Variants in BLACAT1 observed in about 807,000 individuals in gnomAD.
The protein encoded by BLACAT1 is BLACAT1 overlapping LEMD1 locus.
At chr1:205,449,268 G>A (rs1345061168) in intron 1 of BLACAT1, among the ~76,000 whole-genome samples, 5 of 152,176 alleles carry the variant, frequency 3.3e-5, no homozygotes, top group Non-Finnish European at 7.4e-5. Flanking sequence ...AATCACAAGT[G>A]CTATTTCCCC....
At chr1:205,440,942 G>C (rs61824985) in exon 2 of BLACAT1, 1 of 152,386 alleles carries the variant, frequency 6.6e-6, no homozygotes, top group African/African-American at 2.4e-5. Context: ...GCCGTCTCCC[G>C]CTCTCTGTGA....
intron 1 of BLACAT1, among the ~76,000 whole-genome samples, chr1:205,453,418 C>CT (rs1666521788): frequency 6.6e-6 from 1 of 152,174 alleles, no homozygotes; most frequent in African/African-American, 2.4e-5. Flanking sequence ...CATTTAACAG[C>CT]TTGGGAGCCC....
chr1:205,445,034 AC>A (rs1357565188), intron 1 of BLACAT1, among the ~76,000 whole-genome samples: 1 of 151,844 alleles, frequency 6.6e-6, no homozygotes, highest in Non-Finnish European at 1.5e-5. Context: ...ATATGAATTC[AC>A]CTTCCCTCCC....
rs767507687 is a variant in BLACAT1 at position 205,448,438 on chromosome 1, G to A, written c.-36-7376C>T. ...CAGGAATCTCATAGGGAAGCGAGAA[G>A]CTGGGGCACCCGAGAAGCCCTCACT... On this transcript the variant is annotated intron_variant, in intron 1 of 1. Coordinates refer to ENST00000629624, the Ensembl canonical transcript of BLACAT1. The surrounding 1 kb of genome is among the most constrained non-coding windows in gnomAD (Gnocchi z 4.7). 1.9e-6 allele frequency: 1 copy of A among 531,738 alleles called. No homozygotes were observed. Among genetic ancestry groups the A allele is most frequent in the South Asian group, 1.4e-5 (1 of 71,368 alleles). The allele number at this position is 531,738 out of a possible 1,614,324, so 32.9% of individuals were successfully genotyped here.
In BLACAT1 at chr1:205,448,782, T is replaced by A. The variant is rs1356888383; in HGVS notation, c.-37+7135A>T. Among the ~76,000 whole-genome samples, 1 of 152,102 alleles carries A rather than the reference T, an allele frequency of 6.6e-6. No homozygotes were observed. The highest frequency in any genetic ancestry group is 2.4e-5 in the African/African-American group (1 of 41,436). On this transcript the variant is annotated intron_variant, in intron 1 of 1. Coordinates refer to ENST00000629624, the Ensembl canonical transcript of BLACAT1. The surrounding 1 kb of genome is among the most constrained non-coding windows in gnomAD (Gnocchi z 4.7). ...AGGCTGCTGCTGCCAGTACCCAGGA[T>A]GGGGGGCCCCAGGTTAGGCTCCCTC...
downstream of BLACAT1, among the ~76,000 whole-genome samples, chr1:205,439,406 AC>A (rs1205456539): frequency 6.6e-6 from 1 of 152,186 alleles, no homozygotes; most frequent in African/African-American, 2.4e-5. Context: ...CATAAAGACA[AC>A]CTGAATCCCA....
intron 1 of BLACAT1, among the ~76,000 whole-genome samples, chr1:205,453,318 G>C (rs1280313012): frequency 6.6e-6 from 1 of 152,092 alleles, no homozygotes; most frequent in African/African-American, 2.4e-5. Context: ...ACGGAGAAAG[G>C]CCACTAGGTA....
At chr1:205,445,592 C>T (rs1370389525) in intron 1 of BLACAT1, among the ~76,000 whole-genome samples, 1 of 81,370 alleles carries the variant, frequency 1.2e-5, no homozygotes, top group African/African-American at 2.7e-5. Context: ...AAAGCTCCCT[C>T]CACTTTTCCA....
chr1:205,445,287 C>A (rs549667860), intron 1 of BLACAT1, among the ~76,000 whole-genome samples: 11 of 152,282 alleles, frequency 7.2e-5, no homozygotes, highest in African/African-American at 2.4e-4. Flanking sequence ...TCTACAAGAC[C>A]GTGTTGATAA....
rs577874920 is a variant in BLACAT1 at position 205,444,032 on chromosome 1, G to T, written c.-36-2970C>A. Among the ~76,000 whole-genome samples, 5 of 152,208 alleles carry T rather than the reference G, an allele frequency of 3.3e-5. No homozygotes were observed. In the South Asian group the frequency reaches 8.3e-4, roughly 25 times the overall value. On this transcript the variant is annotated intron_variant, in intron 1 of 1. Transcript: ENST00000629624. ...CCAGCTGGAGGCTCCCTGAAGTCAG[G>T]TCCCCTTGCTGCGTCTATTTGAGGG...
chr1:205,451,179 C>G (rs780863112), intron 1 of BLACAT1, among the ~76,000 whole-genome samples: 1 of 152,200 alleles, frequency 6.6e-6, no homozygotes, highest in South Asian at 2.1e-4. Context: ...CCTCCCTTTC[C>G]TCCTTGGCCA....
chr1:205,446,239 A>G (rs1666386259), intron 1 of BLACAT1, among the ~76,000 whole-genome samples: 1 of 152,236 alleles, frequency 6.6e-6, no homozygotes, highest in African/African-American at 2.4e-5. Context: ...GCCAAGAGAC[A>G]AAGAATAGAA....
chr1:205,453,194 G>A (rs1167599678), intron 1 of BLACAT1, among the ~76,000 whole-genome samples: 1 of 152,194 alleles, frequency 6.6e-6, no homozygotes, highest in Non-Finnish European at 1.5e-5. Flanking sequence ...ATCTGTGGGT[G>A]CAGTCCCTGG....
chr1:205,441,188 G>C lies in BLACAT1; in HGVS notation c.-36-126C>G, dbSNP rs577044394. The stretch of plus-strand genomic sequence containing the variant: ...TCATTGCCACTCCCTGAGGCGGCCC[G>C]CTAGGTCTCTCACACCGGCTGGGGG... On this transcript the variant is annotated intron_variant, in intron 1 of 1. Coordinates refer to ENST00000629624, the Ensembl canonical transcript of BLACAT1. The surrounding 1 kb of genome is among the most constrained non-coding windows in gnomAD (Gnocchi z 4.3). 6.6e-6 allele frequency: 1 copy of C among 152,278 alleles called. No individual in the cohort carries two copies. Among genetic ancestry groups the C allele is most frequent in the Non-Finnish European group, 1.5e-5 (1 of 68,162 alleles). The allele number at this position is 152,278 out of a possible 1,614,324, so 9.4% of individuals were successfully genotyped here. A position where few individuals can be genotyped will look rare whatever the true frequency, so the allele number is the denominator to read the frequency against.
chr1:205,453,322 C>T (rs1324533328), intron 1 of BLACAT1, among the ~76,000 whole-genome samples: 1 of 152,162 alleles, frequency 6.6e-6, no homozygotes, highest in East Asian at 1.9e-4. Context: ...AGAAAGGCCA[C>T]TAGGTAGCCT....
chr1:205,440,817 T>G (rs1394100340), exon 2 of BLACAT1: 1 of 152,292 alleles, frequency 6.6e-6, no homozygotes, highest in Non-Finnish European at 1.5e-5. Flanking sequence ...ACTGGCTAAA[T>G]CAAGACTTAA....
chr1:205,447,716 C>G (rs2102475060), intron 1 of BLACAT1, among the ~76,000 whole-genome samples: 1 of 150,940 alleles, frequency 6.6e-6, no homozygotes, highest in South Asian at 2.1e-4. Context: ...TGGTAGCACA[C>G]CAGGAGCCAG....
intron 1 of BLACAT1, among the ~76,000 whole-genome samples, chr1:205,455,472 A>G (rs954067702): frequency 1.3e-5 from 2 of 152,098 alleles, no homozygotes; most frequent in African/African-American, 2.4e-5. Flanking sequence ...CAGGTGTCAC[A>G]AACCCCTGAT....
chr1:205,445,856 G>T (rs1254438686), intron 1 of BLACAT1, among the ~76,000 whole-genome samples: 5 of 152,200 alleles, frequency 3.3e-5, no homozygotes, highest in African/African-American at 1.2e-4. Context: ...GAAAGATGGG[G>T]AGAGAGACTT....
Sources: gnomAD v4.1 joint callset for allele counts (sites outside exome capture counted in the v4.1 genomes callset) on GRCh38, gnomAD v4.1.1 for gene constraint, Gnocchi (gnomAD v3.1) non-coding constraint, MANE v1.5 for transcripts, NCBI Gene and HGNC (gene_info 2026-07-23, HGNC 2026-07-21) for gene names.